Variants in CACNB3 observed in about 807,000 individuals in gnomAD.
CACNB3 encodes calcium voltage-gated channel auxiliary subunit beta 3.
In CACNB3, 36 loss-of-function variants were observed where a neutral mutation model predicts 63.7. The observed-to-expected ratio is 0.57, with a 90% CI of 0.43 to 0.75. CACNB3 has a LOEUF of 0.75. Ranked by LOEUF, CACNB3 falls within the 30% of genes least tolerant of loss-of-function variation. The pLI, the probability that CACNB3 is intolerant of heterozygous loss-of-function variation, is 0.00. For synonymous variants in CACNB3, 241 were observed against 250.6 expected, an observed-to-expected ratio of 0.96 and a Z score of 0.36; for missense variants, 493 against 648.6, an observed-to-expected ratio of 0.76 and a Z score of 2.61.
chr12:48,817,042 G>A, upstream of CACNB3: 2 of 981,166 alleles, frequency 2.0e-6, no homozygotes, highest in Non-Finnish European at 2.4e-6. Flanking sequence ...CAATACAGAA[G>A]AATCCAGTAT....
Position 48,828,625 on chromosome 12 carries a change from G to A in CACNB3, c.*726G>A, listed in dbSNP as rs1319792232. 1 of 455,540 alleles carries A rather than the reference G, an allele frequency of 2.2e-6. No individual in the cohort carries two copies. Among genetic ancestry groups the A allele is most frequent in the Non-Finnish European group, 4.4e-6 (1 of 226,350 alleles). 28.2% of individuals were successfully genotyped at this position (455,540 alleles called of 1,614,324 possible). ...CAAGTGGCAGATGGGAGCCAACCTG[G>A]ATGGGGGTTTGGGGAAGGAGGGCAT... On this transcript the variant is annotated 3_prime_UTR_variant, in exon 13 of 13. Transcript: ENST00000301050.
rs1316571894 is a variant in CACNB3 at position 48,818,592 on chromosome 12, C to T, written c.-338C>T. ...CCCTCTCCCGGCCTGGCCCGGGCTC[C>T]CCGGTGGCCGCCGCCCCCTCGCCGC... On this transcript the variant is annotated 5_prime_UTR_variant, in exon 1 of 13. Transcript: ENST00000301050. The surrounding 1 kb of genome is among the most constrained non-coding windows in gnomAD (Gnocchi z 4.3). 2 of 1,091,068 alleles carry T rather than the reference C, an allele frequency of 1.8e-6. No homozygotes were observed. Among genetic ancestry groups the T allele is most frequent in the African/African-American group, 1.7e-5 (1 of 59,494 alleles). The allele number at this position is 1,091,068 out of a possible 1,614,324, so 67.6% of individuals were successfully genotyped here. A position where few individuals can be genotyped will look rare whatever the true frequency, so the allele number is the denominator to read the frequency against.
rs1326721681 is a variant in CACNB3, at chr12:48,818,884, C to G, written c.-46C>G. On this transcript the variant is annotated 5_prime_UTR_variant, in exon 1 of 13. Coordinates refer to ENST00000301050, the MANE Select transcript of CACNB3 (RefSeq NM_000725.4). The surrounding 1 kb of genome is among the most constrained non-coding windows in gnomAD (Gnocchi z 4.3). ...GCAGTCCTTGCCCCTGCCTCCGGGC[C>G]GCTCCCGCCCCCGGCGCCGCTCGCT... The G allele has an allele frequency of 1.3e-6, 2 of 1,540,676 alleles. No homozygotes were observed. The highest frequency in any genetic ancestry group is 1.8e-6 in the Non-Finnish European group (2 of 1,142,560).
chr12:48,827,432 T>C (rs1938204810), intron 12 of CACNB3, among the ~76,000 whole-genome samples, 153 bp from the exon 13 acceptor site: 1 of 152,186 alleles, frequency 6.6e-6, no homozygotes, highest in African/African-American at 2.4e-5. Context: ...CAGTTTTCTC[T>C]CTCGGAAGAG....
At chr12:48,819,793 C>A in intron 1 of CACNB3, 2 of 389,458 alleles carry the variant, frequency 5.1e-6, no homozygotes, top group South Asian at 1.8e-5. Context: ...CTCCTCTTTG[C>A]TTTTATCTCC....
chr12:48,818,454 G>A (rs1592180886), upstream of CACNB3: 3 of 988,852 alleles, frequency 3.0e-6, no homozygotes, highest in Non-Finnish European at 3.6e-6. The surrounding 1 kb of genome is among the most constrained non-coding windows in gnomAD (Gnocchi z 4.3). Context: ...TCCTCGCCCC[G>A]CCTCCTCCCT....
Position 48,823,354 on chromosome 12 carries a change from A to T in CACNB3, c.56A>T (p.Asp19Val). Residue 19 changes from aspartate to valine, a missense_variant, in exon 2 of 13, where the codon GAC (aspartate) becomes GTC (valine). By Grantham distance (152) the Asp-to-Val change is radical (BLOSUM62 -3). Transcript: ENST00000301050. The surrounding 1 kb of genome is among the most constrained non-coding windows in gnomAD (Gnocchi z 4.2). ...GFEDSEAGSA[D>V]SYTSRPSLDS... ...TCTTTCCCAACCCAGGGTTCAGCCG[A>T]CTCCTACACCAGCCGCCCATCTCTG... 1 of 1,613,470 alleles carries T rather than the reference A, an allele frequency of 6.2e-7. No individual in the cohort carries two copies. The highest frequency in any genetic ancestry group is 8.5e-7 in the Non-Finnish European group (1 of 1,179,780).
At chr12:48,822,479 TC>T (rs1472586581) in intron 1 of CACNB3, among the ~76,000 whole-genome samples, 2 of 152,118 alleles carry the variant, frequency 1.3e-5, no homozygotes, top group African/African-American at 4.8e-5. Flanking sequence ...GGGGTCCTGC[TC>T]CGTAGCTAGG....
chr12:48,817,084 G>T (rs1027449969), upstream of CACNB3: 24 of 815,180 alleles, frequency 2.9e-5, no homozygotes, highest in Non-Finnish European at 3.3e-5. Flanking sequence ...CTGGACTCAG[G>T]AGAGGAGACA....
chr12:48,825,189 G>T lies in CACNB3; in HGVS notation c.519G>T (p.Val173=). 1 of 1,614,090 alleles carries T rather than the reference G, an allele frequency of 6.2e-7. No individual in the cohort carries two copies. Among genetic ancestry groups the T allele is most frequent in the Non-Finnish European group, 8.5e-7 (1 of 1,180,016 alleles). ...KQAEHVPPYD[V]VPSMRPVVLV... ...CGGAACATGTTCCCCCATATGACGTGGTGCCCTCCATGCGGCCTGTGGTGC... is the reference window on the plus strand; with the variant it reads ...CGGAACATGTTCCCCCATATGACGTTGTGCCCTCCATGCGGCCTGTGGTGC... The change falls in exon 7 of 13, where the codon GTG becomes GTT. Residue 173 remains valine (V), a synonymous_variant. Coordinates refer to ENST00000301050, the MANE Select transcript of CACNB3 (RefSeq NM_000725.4). The surrounding 1 kb of genome is among the most constrained non-coding windows in gnomAD (Gnocchi z 4.5).
chr12:48,818,496 C>T lies in CACNB3; in HGVS notation c.-434C>T. ...ATCCGCCCTGCCCGCAGCCTCTCCT[C>T]CCCTTCCTCCCCGCCGCCACGGCCC... On this transcript the variant is annotated 5_prime_UTR_variant, in exon 1 of 13. Coordinates refer to ENST00000301050, the MANE Select transcript of CACNB3 (RefSeq NM_000725.4). This position sits in a 1 kb window ranked among gnomAD's most constrained non-coding sequence, Gnocchi z 4.3. The T allele has an allele frequency of 4.0e-6, 4 of 1,001,618 alleles. No homozygotes were observed. The highest frequency in any genetic ancestry group is 4.8e-6 in the Non-Finnish European group (4 of 841,132). 62.0% of individuals were successfully genotyped at this position (1,001,618 alleles called of 1,614,324 possible). A position where few individuals can be genotyped will look rare whatever the true frequency, so the allele number is the denominator to read the frequency against.
rs1938032682 is a variant in CACNB3 at position 48,824,667 on chromosome 12, A to G, written c.408-2A>G. On this transcript the variant is annotated splice_acceptor_variant, in intron 4 of 12. Coordinates refer to ENST00000301050, the MANE Select transcript of CACNB3 (RefSeq NM_000725.4). LOFTEE classifies it high-confidence loss of function. ...CTCTCTTTCACCTCCCTTTCTTCTC[A>G]GGAGATCTGGGAACCCTTCCAGCCT... 1 of 1,612,830 alleles carries G rather than the reference A, an allele frequency of 6.2e-7. No homozygotes were observed. The highest frequency in any genetic ancestry group is 8.5e-7 in the Non-Finnish European group (1 of 1,179,280).
At chr12:48,816,701 C>T (rs748235141), upstream of CACNB3, among the ~76,000 whole-genome samples, 72 of 152,310 alleles carry the variant, frequency 4.7e-4, no homozygotes, top group Admixed American at 1.6e-3. Flanking sequence ...ACAACCTTGT[C>T]GCAGGAGATT....
At chr12:48,817,593 G>A (rs1481227189), upstream of CACNB3, among the ~76,000 whole-genome samples, 1 of 152,142 alleles carries the variant, frequency 6.6e-6, no homozygotes, top group Non-Finnish European at 1.5e-5. Flanking sequence ...GGATCTTTGG[G>A]GAAAGTTTCC....
intron 5 of CACNB3, 30 bp downstream of exon 5, chr12:48,824,763 G>T: frequency 6.2e-7 from 1 of 1,606,034 alleles, no homozygotes; most frequent in Non-Finnish European, 8.5e-7. Context: ...CCCATTTTGG[G>T]TAGGTGGGTA....
chr12:48,825,851 T>G lies in CACNB3; in HGVS notation c.742+82T>G. 1 of 949,240 alleles carries G rather than the reference T, an allele frequency of 1.1e-6. No individual in the cohort carries two copies. Among genetic ancestry groups the G allele is most frequent in the Non-Finnish European group, 1.6e-6 (1 of 613,400 alleles). The allele number at this position is 949,240 out of a possible 1,614,324, so 58.8% of individuals were successfully genotyped here. ...CTCCTCCCTTTTCTTTTTTTTGAGA[T>G]GGAGTCTCGCTCTGTCACCTAGGCT... is the stretch of plus-strand genomic sequence containing the variant. On this transcript the variant is annotated intron_variant, in intron 9 of 12. Coordinates refer to ENST00000301050, the MANE Select transcript of CACNB3 (RefSeq NM_000725.4). The surrounding 1 kb of genome is among the most constrained non-coding windows in gnomAD (Gnocchi z 4.5).
chr12:48,814,572 C>A (rs1942240826), upstream of CACNB3: 2 of 1,506,060 alleles, frequency 1.3e-6, no homozygotes, highest in East Asian at 2.6e-5. The surrounding 1 kb of genome is among the most constrained non-coding windows in gnomAD (Gnocchi z 6.9). Context: ...GGGCTAGGGT[C>A]CCGGAAGGGC....
Position 48,824,342 on chromosome 12 carries a change from A to C in CACNB3, c.376A>C (p.Ser126Arg). 6.2e-7 allele frequency: 1 copy of C among 1,611,048 alleles called. No individual in the cohort carries two copies. The highest frequency in any genetic ancestry group is 2.2e-5 in the East Asian group (1 of 44,772). The change falls in exon 4 of 13, where the codon AGC (serine) becomes CGC (arginine). Residue 126 changes from serine (S) to arginine (R), a missense_variant. Transcript: ENST00000301050. ...AFIPSPQRLESIRLKQEQKAR... is the reference protein window; with the variant it reads ...AFIPSPQRLERIRLKQEQKAR... ...CATCCCCAGCCCCCAGCGCCTGGAG[A>C]GCATCCGGCTCAAACAGGAGCAGAA...
chr12:48,817,108 C>T (rs1942304570), upstream of CACNB3: 1 of 623,284 alleles, frequency 1.6e-6, no homozygotes, highest in Non-Finnish European at 2.0e-6. Context: ...CCTTCAGCCA[C>T]AGGGGCTGCA....
Sources: gnomAD v4.1 joint callset for allele counts (sites outside exome capture counted in the v4.1 genomes callset) on GRCh38, gnomAD v4.1.1 for gene constraint, Gnocchi (gnomAD v3.1) non-coding constraint, MANE v1.5 for transcripts, NCBI Gene and HGNC (gene_info 2026-07-23, HGNC 2026-07-21) for gene names.